Variants in GAB2 observed in about 807,000 individuals in gnomAD.
GAB2 encodes the protein GRB2 associated binding protein 2.
GAB2 carries 26 observed loss-of-function variants against 65.5 expected under a neutral mutation model. That is an observed-to-expected ratio of 0.40 (90% CI 0.29 to 0.55). The LOEUF (loss-of-function observed/expected upper bound fraction) is 0.55, where lower values mean the gene tolerates loss of function less well. Ranked by LOEUF, GAB2 falls within the 20% of genes least tolerant of loss-of-function variation. The pLI is 0.53. For synonymous variants in GAB2, 321 were observed against 329.6 expected, an observed-to-expected ratio of 0.97 and a Z score of 0.28; for missense variants, 884 against 875.8, an observed-to-expected ratio of 1.01 and a Z score of -0.12.
chr11:78,338,327 T>C (rs1177209535), intron 1 of GAB2, among the ~76,000 whole-genome samples: 3 of 152,166 alleles, frequency 2.0e-5, no homozygotes, highest in Non-Finnish European at 4.4e-5. Context: ...AAGACATAAG[T>C]AGAAATCTTT....
Position 78,306,304 on chromosome 11 carries a change from C to T in GAB2, c.76-25403G>A, listed in dbSNP as rs185372109. Among the ~76,000 whole-genome samples, 194 of 152,270 alleles carry T rather than the reference C, an allele frequency of 1.3e-3. No homozygotes were observed. The East Asian group carries it at 0.025, about 20-fold the overall frequency. On this transcript the variant is annotated intron_variant, in intron 1 of 9. Coordinates refer to ENST00000361507, the MANE Select transcript of GAB2 (RefSeq NM_080491.3). ...GGAGTGCAGTGGTGCGCCCTTGGCT[C>T]ACTGCAACCTCCGCCTCCCAGGTTC... is the stretch of plus-strand genomic sequence containing the variant.
At chr11:78,412,031 A>AAACAACAACAACAACAACAACAAC (rs373083805) in intron 1 of GAB2, among the ~76,000 whole-genome samples, 56 of 150,760 alleles carry the variant, frequency 3.7e-4, no homozygotes, top group African/African-American at 1.4e-3. Context: ...ATCTGTCTAA[A>AAACAACAACAACAACAACAACAAC]AACAACAACA....
At chr11:78,372,500 T>C (rs1160764812) in intron 1 of GAB2, among the ~76,000 whole-genome samples, 1 of 152,212 alleles carries the variant, frequency 6.6e-6, no homozygotes, top group East Asian at 1.9e-4. Flanking sequence ...AAACTTATCT[T>C]TCAGGAAAAA....
intron 1 of GAB2, among the ~76,000 whole-genome samples, chr11:78,393,122 G>A (rs997285498): frequency 1.2e-4 from 19 of 152,206 alleles, no homozygotes; most frequent in African/African-American, 4.1e-4. Flanking sequence ...CACAAACCAT[G>A]TGACATTTGA....
Position 78,309,926 on chromosome 11 carries a change from A to ATTG in GAB2, c.76-29026_76-29025insCAA, listed in dbSNP as rs1163936315. On this transcript the variant is annotated intron_variant, in intron 1 of 9. Transcript: ENST00000361507. ...CGGTTCACTTTGGGGAGGGTTAGAA[A>ATTG]TGTGTGTGTGTGTGTGTGTGTGTGT... 8.8e-4 allele frequency among the ~76,000 whole-genome samples: 120 copies of ATTG among 135,698 alleles called. 1 individual carries two copies. Among genetic ancestry groups the ATTG allele is most frequent in the Middle Eastern group, 3.8e-3 (1 of 264 alleles). The allele number at this position is 135,698 out of a possible 152,430, so 89.0% of individuals were successfully genotyped here. A position where few individuals can be genotyped will look rare whatever the true frequency, so the allele number is the denominator to read the frequency against.
Position 78,412,275 on chromosome 11 carries a change from G to A in GAB2, c.75+5371C>T, listed in dbSNP as rs1018687120. On this transcript the variant is annotated intron_variant, in intron 1 of 9. Coordinates refer to ENST00000361507, the MANE Select transcript of GAB2 (RefSeq NM_080491.3). ...AAGGGAAATGTAAATGAGAACTAAC[G>A]GGTGAATGGTTAAATAAACAGACTG... 3.3e-5 allele frequency among the ~76,000 whole-genome samples: 5 copies of A among 152,082 alleles called. No individual in the cohort carries two copies. In the East Asian group the frequency reaches 5.8e-4, roughly 18 times the overall value.
At chr11:78,410,836 T>C (rs1033307536) in intron 1 of GAB2, among the ~76,000 whole-genome samples, 12 of 151,940 alleles carry the variant, frequency 7.9e-5, no homozygotes, top group Middle Eastern at 3.2e-3. Context: ...GTTTAAAGAA[T>C]TATACCAGTT....
At chr11:78,252,565 G>A (rs1456835268) in intron 2 of GAB2, among the ~76,000 whole-genome samples, 1 of 152,094 alleles carries the variant, frequency 6.6e-6, no homozygotes, top group Non-Finnish European at 1.5e-5. Flanking sequence ...TCCTTTGCCT[G>A]CCCCTTCAGT....
intron 1 of GAB2, among the ~76,000 whole-genome samples, chr11:78,372,797 AG>A (rs1195969649): frequency 6.6e-6 from 1 of 152,188 alleles, no homozygotes; most frequent in African/African-American, 2.4e-5. Flanking sequence ...TAGTTGCTCA[AG>A]GGTCTCTCAT....
intron 1 of GAB2, among the ~76,000 whole-genome samples, chr11:78,315,814 T>C (rs916283325): frequency 6.6e-6 from 1 of 152,200 alleles, no homozygotes; most frequent in Non-Finnish European, 1.5e-5. Context: ...CTTGATTGGA[T>C]TGAAGGATGC....
At chr11:78,383,363 T>C (rs1219298916) in intron 1 of GAB2, among the ~76,000 whole-genome samples, 1 of 151,920 alleles carries the variant, frequency 6.6e-6, no homozygotes, top group Non-Finnish European at 1.5e-5. Context: ...CCATGAAAAG[T>C]AGGCATAAGA....
chr11:78,311,159 A>G (rs1356013839), intron 1 of GAB2, among the ~76,000 whole-genome samples: 1 of 152,222 alleles, frequency 6.6e-6, no homozygotes, highest in Non-Finnish European at 1.5e-5. Flanking sequence ...CTGCCTATAT[A>G]ATGTACTGAG....
rs577774242 is a variant in GAB2, at chr11:78,268,187, T to C, written c.376+12414A>G. ...TTGTTTCATAAATTATTCTGTTTCA[T>C]GTGAGATTTGGTTAAAAAGCAATGC... On this transcript the variant is annotated intron_variant, in intron 2 of 9. Transcript: ENST00000361507. Among the ~76,000 whole-genome samples, 178 of 152,300 alleles carry C rather than the reference T, an allele frequency of 1.2e-3. 1 individual carries two copies. The highest frequency in any genetic ancestry group is 4.0e-3 in the African/African-American group (168 of 41,562).
chr11:78,417,654 T>C lies in GAB2; in HGVS notation c.67A>G (p.Arg23Gly). The change falls in exon 1 of 10, where the codon AGG (arginine) becomes GGG (glycine). Residue 23 changes from arginine (R) to glycine (G), a missense_variant. By Grantham distance (125) the Arg-to-Gly change is moderately radical. Transcript: ENST00000361507. The part of the protein sequence containing the change: ...LRKSPPEKKL[R>G]RYAWKKRWFI... The stretch of plus-strand genomic sequence containing the variant: ...GCCGCGCCCGCACTCACATAGCGCC[T>C]CAACTTCTTCTCGGGAGGCGATTTC... The C allele has an allele frequency of 4.4e-6, 6 of 1,371,598 alleles. No individual in the cohort carries two copies. Among genetic ancestry groups the C allele is most frequent in the Non-Finnish European group, 4.8e-6 (5 of 1,038,478 alleles). 85.0% of individuals were successfully genotyped at this position (1,371,598 alleles called of 1,614,324 possible).
At chr11:78,279,145 T>C (rs1287864396) in intron 2 of GAB2, among the ~76,000 whole-genome samples, 1 of 152,116 alleles carries the variant, frequency 6.6e-6, no homozygotes, top group Non-Finnish European at 1.5e-5. Context: ...ACTTAATAAA[T>C]AGGGGCTCAT....
In GAB2 at chr11:78,300,646, G is replaced by T. The variant is rs192011306; in HGVS notation, c.76-19745C>A. Among the ~76,000 whole-genome samples the T allele has an allele frequency of 4.0e-5, 6 of 150,676 alleles. No homozygotes were observed. In the East Asian group the frequency reaches 9.7e-4, roughly 24 times the overall value. ...CTTGGTCATTATGGCGACTGTAGGG[G>T]ATGGGTAATGTTATCTCACTGTGTG... On this transcript the variant is annotated intron_variant, in intron 1 of 9. Coordinates refer to ENST00000361507, the MANE Select transcript of GAB2 (RefSeq NM_080491.3).
At chr11:78,406,283 T>C (rs899006943) in intron 1 of GAB2, among the ~76,000 whole-genome samples, 8 of 152,174 alleles carry the variant, frequency 5.3e-5, no homozygotes, top group African/African-American at 1.9e-4. Context: ...CAGTGTCCCC[T>C]TCCGATGATT....
At chr11:78,254,406 G>A (rs1372440032) in intron 2 of GAB2, among the ~76,000 whole-genome samples, 1 of 152,234 alleles carries the variant, frequency 6.6e-6, no homozygotes, top group Non-Finnish European at 1.5e-5. Flanking sequence ...AGAAGATGAA[G>A]TAGGGATTAG....
chr11:78,318,561 CA>C (rs1194494783), intron 1 of GAB2, among the ~76,000 whole-genome samples: 1 of 151,834 alleles, frequency 6.6e-6, no homozygotes, highest in East Asian at 1.9e-4. Flanking sequence ...AGGGCCTGAA[CA>C]ACGGCAGTGG....
Sources: gnomAD v4.1 joint callset for allele counts (sites outside exome capture counted in the v4.1 genomes callset) on GRCh38, gnomAD v4.1.1 for gene constraint, MANE v1.5 for transcripts, NCBI Gene and HGNC (gene_info 2026-07-23, HGNC 2026-07-21) for gene names.